GRID2: variants seen among roughly 807,000 people sequenced by gnomAD.
The protein encoded by GRID2 is glutamate ionotropic receptor delta type subunit 2, also known as glutamate receptor ionotropic, delta-2.
A neutral mutation model predicts 114.8 loss-of-function variants in GRID2; 33 were observed. The observed-to-expected ratio is 0.29, with a 90% CI of 0.22 to 0.38. GRID2 has a LOEUF of 0.38. Ranked by LOEUF, GRID2 falls within the 10% of genes least tolerant of loss-of-function variation. GRID2 has a pLI of 1.00. For missense variants in GRID2, 1,184 were observed against 1,257.7 expected (o/e 0.94, Z 0.89); for synonymous variants, 505 against 449.9 (o/e 1.12, Z -1.55).
At chr4:93,536,709 T>C (rs1483159737) in intron 13 of GRID2, among the ~76,000 whole-genome samples, 3 of 151,192 alleles carry the variant, frequency 2.0e-5, no homozygotes, top group Non-Finnish European at 4.4e-5. Context: ...TTAAATTCAA[T>C]CTACTTTGAC....
At chr4:92,951,160 T>A (rs1223976912) in intron 2 of GRID2, among the ~76,000 whole-genome samples, 2 of 152,038 alleles carry the variant, frequency 1.3e-5, no homozygotes, top group African/African-American at 2.4e-5. Flanking sequence ...TTTTCTGATG[T>A]TTTCACTACT....
intron 12 of GRID2, among the ~76,000 whole-genome samples, chr4:93,495,488 C>A (rs1213441355): frequency 6.6e-6 from 1 of 151,692 alleles, no homozygotes; most frequent in African/African-American, 2.4e-5. Context: ...GACAGATGCT[C>A]TGTAAAGAAA....
At chr4:92,819,255 T>G (rs1741111440) in intron 2 of GRID2, among the ~76,000 whole-genome samples, 3 of 152,104 alleles carry the variant, frequency 2.0e-5, no homozygotes. Flanking sequence ...GTTTTAAAAC[T>G]TAGGCTCAGA....
At chr4:93,172,388 C>T (rs910844643) in intron 4 of GRID2, among the ~76,000 whole-genome samples, 15 of 152,000 alleles carry the variant, frequency 9.9e-5, no homozygotes, top group Non-Finnish European at 1.6e-4. Context: ...GCCAGGAGTT[C>T]GGGACCAGCC....
At chr4:92,743,573 A>G (rs1228526870) in intron 2 of GRID2, among the ~76,000 whole-genome samples, 1 of 152,084 alleles carries the variant, frequency 6.6e-6, no homozygotes, top group African/African-American at 2.4e-5. Flanking sequence ...TTTTGACTTC[A>G]TTTTATGTAA....
At chr4:92,640,221 C>A (rs1457317255) in intron 2 of GRID2, among the ~76,000 whole-genome samples, 1 of 151,778 alleles carries the variant, frequency 6.6e-6, no homozygotes, top group Admixed American at 6.6e-5. Context: ...GAGAGAGATA[C>A]ATGAAAGAAA....
At chr4:92,417,649 T>C (rs1207640023) in intron 1 of GRID2, among the ~76,000 whole-genome samples, 1 of 151,992 alleles carries the variant, frequency 6.6e-6, no homozygotes, top group Non-Finnish European at 1.5e-5. Context: ...ATTGTGGAGG[T>C]TGCAGTATAA....
intron 2 of GRID2, among the ~76,000 whole-genome samples, chr4:92,651,676 A>G (rs1731940951): frequency 6.6e-6 from 1 of 152,132 alleles, no homozygotes; most frequent in Admixed American, 6.6e-5. Flanking sequence ...ATAGCCAGCC[A>G]AATCATTGGC....
chr4:93,099,315 AAGTTT>A (rs1286558829), intron 3 of GRID2, among the ~76,000 whole-genome samples: 3 of 151,820 alleles, frequency 2.0e-5, no homozygotes, highest in Non-Finnish European at 2.9e-5. Context: ...TACCCTTTGA[AAGTTT>A]AGTTTATATT....
At chr4:93,363,639 C>T (rs937664708) in intron 8 of GRID2, among the ~76,000 whole-genome samples, 1 of 151,934 alleles carries the variant, frequency 6.6e-6, no homozygotes, top group Non-Finnish European at 1.5e-5. Context: ...TGACATAGAA[C>T]ATATGAATTT....
intron 2 of GRID2, among the ~76,000 whole-genome samples, chr4:92,983,138 A>G (rs1042536222): frequency 1.3e-5 from 2 of 152,146 alleles, no homozygotes; most frequent in African/African-American, 4.8e-5. Flanking sequence ...TATCAATTAA[A>G]TAAAGTGATT....
chr4:92,923,950 G>A (rs1454491745), intron 2 of GRID2, among the ~76,000 whole-genome samples: 1 of 152,020 alleles, frequency 6.6e-6, no homozygotes, highest in African/African-American at 2.4e-5. Context: ...ACATGCACAC[G>A]TATGTTTATT....
intron 2 of GRID2, among the ~76,000 whole-genome samples, chr4:93,047,363 A>T (rs770850505): frequency 5.9e-5 from 9 of 152,158 alleles, no homozygotes; most frequent in Non-Finnish European, 1.3e-4. Flanking sequence ...TTCATCAATT[A>T]TAACAAATGT....
Position 93,267,627 on chromosome 4 carries a change from G to A in GRID2, c.1245+29137G>A, listed in dbSNP as rs111532122. On this transcript the variant is annotated intron_variant, in intron 8 of 15. Coordinates refer to ENST00000282020, the MANE Select transcript of GRID2 (RefSeq NM_001510.4). ...ACGTAACTGCCCAAGGTCCACATTC[G>A]CCACCCGGGTCAAAACCACACCTCT... Among the ~76,000 whole-genome samples, 274 of 152,204 alleles carry A rather than the reference G, an allele frequency of 1.8e-3. 3 individuals are homozygous for A. Among genetic ancestry groups the A allele is most frequent in the African/African-American group, 6.3e-3 (262 of 41,532 alleles).
intron 1 of GRID2, among the ~76,000 whole-genome samples, chr4:92,530,655 A>G (rs958916135): frequency 6.6e-6 from 1 of 151,392 alleles, no homozygotes; most frequent in Non-Finnish European, 1.5e-5. Context: ...TAATCCCAGT[A>G]CATTGGGAGG....
chr4:93,645,304 G>A (rs1274579024), intron 14 of GRID2, among the ~76,000 whole-genome samples: 3 of 152,122 alleles, frequency 2.0e-5, no homozygotes, highest in Non-Finnish European at 4.4e-5. Flanking sequence ...GAGAGTGAAA[G>A]TGCTAATTTT....
intron 8 of GRID2, among the ~76,000 whole-genome samples, chr4:93,313,330 G>T (rs1339817639): frequency 2.6e-5 from 4 of 152,156 alleles, no homozygotes; most frequent in Non-Finnish European, 4.4e-5. Context: ...GGGTCCTTCT[G>T]CAGAGGAATG....
intron 2 of GRID2, among the ~76,000 whole-genome samples, chr4:93,084,214 AC>A (rs1379449671): frequency 1.3e-5 from 2 of 152,084 alleles, no homozygotes; most frequent in South Asian, 2.1e-4. Flanking sequence ...CTTTACATTT[AC>A]TTATAATTTA....
At chr4:92,564,672 A>G (rs1727252184) in intron 1 of GRID2, among the ~76,000 whole-genome samples, 1 of 152,016 alleles carries the variant, frequency 6.6e-6, no homozygotes, top group African/African-American at 2.4e-5. Flanking sequence ...GGCAGTACAT[A>G]CACTAAAAGA....
Sources: allele counts gnomAD v4.1 joint callset (sites outside exome capture counted in the v4.1 genomes callset), GRCh38; gene constraint gnomAD v4.1.1; transcripts MANE v1.5; gene names NCBI Gene and HGNC (gene_info 2026-07-23, HGNC 2026-07-21).